Variants in EYA1 observed in about 807,000 individuals in gnomAD.
The protein encoded by EYA1 is EYA transcriptional coactivator and phosphatase 1, also known as protein phosphatase EYA1.
In EYA1, 16 loss-of-function variants were observed where a neutral mutation model predicts 82.0. The observed-to-expected ratio is 0.20, with a 90% confidence interval of 0.13 to 0.30. EYA1 has a LOEUF of 0.30. EYA1 is among the 10% of genes least tolerant of loss of function. The pLI is 1.00. For synonymous variants in EYA1, 261 were observed against 264.4 expected, an observed-to-expected ratio of 0.99 and a Z score of 0.12; for missense variants, 633 against 730.7, an observed-to-expected ratio of 0.87 and a Z score of 1.54.
intron 11 of EYA1, among the ~76,000 whole-genome samples, chr8:71,251,955 A>T (rs1813796628): frequency 6.6e-6 from 1 of 152,148 alleles, no homozygotes; most frequent in Admixed American, 6.5e-5. Context: ...CAGTCTCTAG[A>T]GAGATTAATG....
upstream of EYA1, among the ~76,000 whole-genome samples, chr8:71,367,096 T>C (rs1827803988): frequency 6.6e-6 from 1 of 152,142 alleles, no homozygotes; most frequent in Admixed American, 6.5e-5. Flanking sequence ...AATCAGGAGA[T>C]GTGGGTTTTT....
chr8:71,407,978 T>C (rs1369050086), intron 2 of EYA1, among the ~76,000 whole-genome samples: 3 of 150,780 alleles, frequency 2.0e-5, no homozygotes, highest in African/African-American at 7.3e-5. Context: ...GAGAGAAAGG[T>C]CGGGTTACCC....
chr8:71,354,524 C>T (rs894349279), intron 3 of EYA1, among the ~76,000 whole-genome samples: 9 of 152,118 alleles, frequency 5.9e-5, no homozygotes, highest in African/African-American at 2.2e-4. Flanking sequence ...ATGTTATGCA[C>T]ACAAATATGT....
intron 7 of EYA1, among the ~76,000 whole-genome samples, chr8:71,305,089 G>A (rs899551200): frequency 1.4e-5 from 2 of 142,950 alleles, no homozygotes; most frequent in African/African-American, 4.9e-5. Context: ...TCCACTGAGA[G>A]TTTCTGTTGG....
intron 2 of EYA1, among the ~76,000 whole-genome samples, chr8:71,398,303 A>G (rs1471894260): frequency 2.6e-5 from 4 of 152,164 alleles, no homozygotes; most frequent in Non-Finnish European, 2.9e-5. Context: ...CAACTCGTCA[A>G]AGTCATTCTC....
At chr8:71,362,625 T>C (rs1827503159), upstream of EYA1, among the ~76,000 whole-genome samples, 1 of 152,214 alleles carries the variant, frequency 6.6e-6, no homozygotes, top group Non-Finnish European at 1.5e-5. Context: ...AGTTTAATAA[T>C]GAAAGCCTGA....
At chr8:71,458,128 T>C (rs73298357) in intron 2 of EYA1, among the ~76,000 whole-genome samples, 1 of 151,970 alleles carries the variant, frequency 6.6e-6, no homozygotes, top group African/African-American at 2.4e-5. Flanking sequence ...AAAAAAACTT[T>C]TAAATATAGA....
At chr8:71,359,715 T>C (rs1827204540) in intron 1 of EYA1, among the ~76,000 whole-genome samples, 1 of 152,160 alleles carries the variant, frequency 6.6e-6, no homozygotes, top group Non-Finnish European at 1.5e-5. Context: ...GCAATTTTTA[T>C]AAAATGACTA....
chr8:71,523,183 T>TTTTTTTTTTTTTTTTTTTTTTTTTTTG (rs1813552928), intron 2 of EYA1, among the ~76,000 whole-genome samples: 1 of 137,838 alleles, frequency 7.3e-6, no homozygotes, highest in African/African-American at 2.9e-5. Flanking sequence ...CTTTTTCTTT[T>TTTTTTTTTTTTTTTTTTTTTTTTTTTG]TTTTTTTTTT....
chr8:71,526,759 A>G (rs1469469583), intron 2 of EYA1, among the ~76,000 whole-genome samples: 1 of 152,192 alleles, frequency 6.6e-6, no homozygotes, highest in Non-Finnish European at 1.5e-5. Context: ...CACAGTGGCC[A>G]CTGTCACTTC....
chr8:71,394,961 A>T (rs1437140945), intron 2 of EYA1, among the ~76,000 whole-genome samples: 1 of 151,938 alleles, frequency 6.6e-6, no homozygotes, highest in African/African-American at 2.4e-5. Flanking sequence ...ATCCTCTTTT[A>T]TTTCGTTGAG....
At chr8:71,353,353 T>C (rs1473272013) in intron 3 of EYA1, among the ~76,000 whole-genome samples, 1 of 152,214 alleles carries the variant, frequency 6.6e-6, no homozygotes, top group Non-Finnish European at 1.5e-5. Flanking sequence ...ATTTGCTCTA[T>C]AAAATCCACT....
At chr8:71,516,590 C>T (rs1382586013) in intron 2 of EYA1, among the ~76,000 whole-genome samples, 1 of 152,142 alleles carries the variant, frequency 6.6e-6, no homozygotes, top group African/African-American at 2.4e-5. Flanking sequence ...TATGCAAATA[C>T]AAATTTGCAC....
In EYA1 at chr8:71,321,687, C is replaced by T. The variant is rs59927438; in HGVS notation, c.418+47G>A. ...AGTACCACTCAAACATGTTAATACA[C>T]GCATGCCCATGCGATAACGCCACCA... is the stretch of plus-strand genomic sequence containing the variant. On this transcript the variant is annotated intron_variant, in intron 6 of 17. Coordinates refer to ENST00000340726, the MANE Select transcript of EYA1 (RefSeq NM_000503.6). 5,159 of 1,605,338 alleles carry T rather than the reference C, an allele frequency of 3.2e-3. 136 individuals carry two copies. In the African/African-American group the frequency reaches 0.059, roughly 18 times the overall value.
chr8:71,280,543 C>T (rs191016997), intron 9 of EYA1, among the ~76,000 whole-genome samples: 70 of 152,272 alleles, frequency 4.6e-4, no homozygotes, highest in African/African-American at 4.3e-4. Flanking sequence ...GTCAGATATC[C>T]GCAGAGTGAA....
At chr8:71,376,127 A>T (rs988408763) in intron 2 of EYA1, among the ~76,000 whole-genome samples, 12 of 152,224 alleles carry the variant, frequency 7.9e-5, no homozygotes, top group African/African-American at 2.7e-4. Context: ...AGTTAGCCAA[A>T]GAGGGCCCCT....
chr8:71,215,813 T>A lies in EYA1; in HGVS notation c.1361-85A>T. 7 of 832,434 alleles carry A rather than the reference T, an allele frequency of 8.4e-6. No individual in the cohort carries two copies. The South Asian group carries it at 9.9e-5, about 12-fold the overall frequency. The allele number at this position is 832,434 out of a possible 1,614,324, so 51.6% of individuals were successfully genotyped here. ...CAAGTAATTAACATTTAAAAAGTAC[T>A]ATGAATACCAGCCTCCAGATTTATA... On this transcript the variant is annotated intron_variant, in intron 14 of 17. Transcript: ENST00000340726.
rs148390293 is a variant in EYA1 at position 71,312,778 on chromosome 8, A to G, written c.556+4774T>C. Among the ~76,000 whole-genome samples the G allele has an allele frequency of 2.4e-4, 36 of 152,344 alleles. No homozygotes were observed. The East Asian group carries it at 6.6e-3, about 28-fold the overall frequency. On this transcript the variant is annotated intron_variant, in intron 7 of 17. Coordinates refer to ENST00000340726, the MANE Select transcript of EYA1 (RefSeq NM_000503.6). ...TTCAGAGTTATGTAAAGATTAAATA[A>G]GATGTCACAAGGGAAATAACTAGGT...
chr8:71,197,963 C>T lies in EYA1; in HGVS notation c.*1377G>A, dbSNP rs1158556269. On this transcript the variant is annotated 3_prime_UTR_variant, in exon 18 of 18. Transcript: ENST00000340726. ...AGTACATAATGCAGGTGGAGAGGAA[C>T]GTTGTTTCCATGGTGATGACAATGG... 4 of 152,124 alleles carry T rather than the reference C, an allele frequency of 2.6e-5. No individual in the cohort carries two copies. Among genetic ancestry groups the T allele is most frequent in the Admixed American group, 6.5e-5 (1 of 15,272 alleles). 9.4% of individuals were successfully genotyped at this position (152,124 alleles called of 1,614,324 possible). A position where few individuals can be genotyped will look rare whatever the true frequency, so the allele number is the denominator to read the frequency against.
Sources: gnomAD v4.1 joint callset for allele counts (sites outside exome capture counted in the v4.1 genomes callset) on GRCh38, gnomAD v4.1.1 for gene constraint, MANE v1.5 for transcripts, NCBI Gene and HGNC (gene_info 2026-07-23, HGNC 2026-07-21) for gene names.